Variants in ZSWIM6 observed in about 807,000 individuals in gnomAD.
The protein encoded by ZSWIM6 is zinc finger SWIM-type containing 6.
Under a neutral mutation model 113.2 loss-of-function variants are expected in ZSWIM6, and 9 were observed. The observed-to-expected ratio is 0.08, with a 90% CI of 0.05 to 0.14. ZSWIM6 has a LOEUF of 0.14. Ranked by LOEUF, ZSWIM6 falls within the 10% of genes least tolerant of loss-of-function variation. ZSWIM6 has a pLI of 1.00. For synonymous variants in ZSWIM6, 611 were observed against 606.5 expected (o/e 1.01, Z -0.11); for missense variants, 1,162 against 1,552.2 (o/e 0.75, Z 4.22).
At position 61,545,006 on chromosome 5, in the gene ZSWIM6, TTAAC is replaced by T. The variant is rs1347319274; in HGVS notation, c.*693_*696del. 18 of 152,036 alleles carry T rather than the reference TTAAC, an allele frequency of 1.2e-4. No homozygotes were observed. The highest frequency in any genetic ancestry group is 3.4e-3 in the Middle Eastern group (1 of 294). The allele number at this position is 152,036 out of a possible 1,614,324, so 9.4% of individuals were successfully genotyped here. A position where few individuals can be genotyped will look rare whatever the true frequency, so the allele number is the denominator to read the frequency against. ...ATGTCTGAATATTGAAAATATAACA[TTAAC>T]TAATTTATAAAAAATATTCTATGTA... On this transcript the variant is annotated 3_prime_UTR_variant, in exon 14 of 14. Coordinates refer to ENST00000252744, the MANE Select transcript of ZSWIM6 (RefSeq NM_020928.2).
intron 1 of ZSWIM6, among the ~76,000 whole-genome samples, chr5:61,384,293 A>G (rs1330022010): frequency 2.0e-5 from 3 of 151,742 alleles, no homozygotes; most frequent in African/African-American, 7.3e-5. Flanking sequence ...AAACACTACT[A>G]CTTTACTGAC....
intron 1 of ZSWIM6, among the ~76,000 whole-genome samples, chr5:61,374,110 AT>A (rs936793938): frequency 6.6e-6 from 1 of 152,238 alleles, no homozygotes; most frequent in Non-Finnish European, 1.5e-5. Context: ...TAGAATGGAC[AT>A]GATTTTCTAA....
intron 1 of ZSWIM6, among the ~76,000 whole-genome samples, chr5:61,387,274 A>G (rs950269476): frequency 1.3e-5 from 2 of 152,220 alleles, no homozygotes; most frequent in East Asian, 3.8e-4. Context: ...TGTCCATTCC[A>G]TGTTCTCTTC....
intron 1 of ZSWIM6, among the ~76,000 whole-genome samples, chr5:61,376,307 C>T (rs1409923196): frequency 5.9e-5 from 8 of 135,196 alleles, no homozygotes; most frequent in African/African-American, 1.9e-4. Flanking sequence ...TTTTTCCCCT[C>T]GTATACTTTT....
intron 1 of ZSWIM6, among the ~76,000 whole-genome samples, chr5:61,344,633 T>A (rs1744617340): frequency 6.6e-6 from 1 of 152,192 alleles, no homozygotes; most frequent in Non-Finnish European, 1.5e-5. Flanking sequence ...TCCATTTCCC[T>A]CATTCCCTCC....
chr5:61,495,222 G>A (rs1400579831), intron 4 of ZSWIM6, among the ~76,000 whole-genome samples: 1 of 152,116 alleles, frequency 6.6e-6, no homozygotes, highest in Non-Finnish European at 1.5e-5. Context: ...ACCACATCAT[G>A]CTGATTGATC....
intron 1 of ZSWIM6, among the ~76,000 whole-genome samples, chr5:61,455,862 A>G (rs895471452): frequency 7.6e-6 from 1 of 132,376 alleles, no homozygotes; most frequent in Non-Finnish European, 1.5e-5. Context: ...TAAGGAAGCT[A>G]GGGAAGTGTT....
chr5:61,473,117 G>T, intron 2 of ZSWIM6, 80 bp downstream of exon 2: 1 of 932,044 alleles, frequency 1.1e-6, no homozygotes, highest in East Asian at 2.8e-5. Context: ...GCATAAAAGT[G>T]AATTAAATGT....
chr5:61,444,674 CATCAG>C (rs752980767), intron 1 of ZSWIM6, among the ~76,000 whole-genome samples: 29 of 152,164 alleles, frequency 1.9e-4, no homozygotes, highest in Non-Finnish European at 3.8e-4. Context: ...GTTGGCCTTG[CATCAG>C]TGTGTTTTTG....
chr5:61,483,628 G>GTTT (rs1747937481), intron 2 of ZSWIM6, among the ~76,000 whole-genome samples: 4 of 151,538 alleles, frequency 2.6e-5, no homozygotes, highest in Non-Finnish European at 5.9e-5. Flanking sequence ...CAGCACTTTG[G>GTTT]GAGGCCGAGG....
intron 1 of ZSWIM6, among the ~76,000 whole-genome samples, chr5:61,420,043 G>A (rs995452728): frequency 1.3e-5 from 2 of 152,226 alleles, no homozygotes; most frequent in Admixed American, 1.3e-4. Flanking sequence ...TCACAGGATT[G>A]TTGTGTCATA....
At chr5:61,434,311 C>T (rs1280640100) in intron 1 of ZSWIM6, among the ~76,000 whole-genome samples, 1 of 150,268 alleles carries the variant, frequency 6.7e-6, no homozygotes, top group Non-Finnish European at 1.5e-5. Context: ...TTTTTTATTT[C>T]AATAGTTTTT....
At chr5:61,418,913 C>T (rs1285183949) in intron 1 of ZSWIM6, among the ~76,000 whole-genome samples, 2 of 152,172 alleles carry the variant, frequency 1.3e-5, no homozygotes, top group African/African-American at 4.8e-5. Flanking sequence ...CCTCCACCTC[C>T]CAGGTTCAAG....
chr5:61,332,339 G>A lies in ZSWIM6; in HGVS notation c.67G>A (p.Gly23Ser). 3.8e-6 allele frequency: 4 copies of A among 1,065,984 alleles called. No homozygotes were observed. The highest frequency in any genetic ancestry group is 1.7e-5 in the African/African-American group (1 of 59,578). 66.0% of individuals were successfully genotyped at this position (1,065,984 alleles called of 1,614,324 possible). A position where few individuals can be genotyped will look rare whatever the true frequency, so the allele number is the denominator to read the frequency against. Residue 23 changes from glycine to serine, a missense_variant, in exon 1 of 14, where the codon GGC becomes AGC. Physicochemically the swap from Gly to Ser is moderately conservative, Grantham distance 56. Coordinates refer to ENST00000252744, the MANE Select transcript of ZSWIM6 (RefSeq NM_020928.2). ...TTGCTGCCGGCCGGGCGGCGGCGGC[G>A]GCGGCGGGGGCAGCAGCGGCGGCGG... ...RLCCRPGGGGGGGGSSGGGGG... is the reference protein window; with the variant it reads ...RLCCRPGGGGSGGGSSGGGGG...
chr5:61,333,941 GGCGGCCGCTCCCGCGTCCCCGC>G (rs770468434), intron 1 of ZSWIM6, among the ~76,000 whole-genome samples: 2 of 152,078 alleles, frequency 1.3e-5, no homozygotes, highest in African/African-American at 2.4e-5. Flanking sequence ...CAGAGGGCTC[GGCGGCCGCTCCCGCGTCCCCGC>G]GGCGCGGCAG....
intron 9 of ZSWIM6, among the ~76,000 whole-genome samples, chr5:61,532,802 C>G (rs1318633828): frequency 6.6e-6 from 1 of 152,048 alleles, no homozygotes; most frequent in Non-Finnish European, 1.5e-5. Flanking sequence ...AGATAAAAAG[C>G]CCATCTTGAC....
At chr5:61,451,104 A>G (rs570576264) in intron 1 of ZSWIM6, among the ~76,000 whole-genome samples, 4 of 152,230 alleles carry the variant, frequency 2.6e-5, no homozygotes, top group Non-Finnish European at 4.4e-5. Flanking sequence ...TTTATGAGCA[A>G]TTTATCCTGC....
At chr5:61,486,834 C>T (rs1425298008) in intron 2 of ZSWIM6, among the ~76,000 whole-genome samples, 6 of 151,716 alleles carry the variant, frequency 4.0e-5, no homozygotes, top group South Asian at 4.2e-4. Context: ...TCTGGATGTT[C>T]GTTCCTTGTC....
At chr5:61,349,332 A>T (rs981476093) in intron 1 of ZSWIM6, among the ~76,000 whole-genome samples, 14 of 152,238 alleles carry the variant, frequency 9.2e-5, no homozygotes, top group African/African-American at 3.4e-4. Context: ...GTGCCAGTGC[A>T]TTATATGCAT....
Sources: allele counts gnomAD v4.1 joint callset (sites outside exome capture counted in the v4.1 genomes callset), GRCh38; gene constraint gnomAD v4.1.1; transcripts MANE v1.5; gene names NCBI Gene and HGNC (gene_info 2026-07-23, HGNC 2026-07-21).